The following RERE variants were observed in gnomAD, a reference collection of about 807,000 sequenced individuals.
RERE encodes arginine-glutamic acid dipeptide repeats protein.
Under a neutral mutation model 146.1 loss-of-function variants are expected in RERE, and 40 were observed. That is an observed-to-expected ratio of 0.27 (90% CI 0.21 to 0.36). RERE has a LOEUF of 0.36. Ranked by LOEUF, RERE falls within the 10% of genes least tolerant of loss-of-function variation. RERE has a pLI of 1.00. For missense variants in RERE, 1,933 were observed against 2,138.7 expected, an observed-to-expected ratio of 0.90 and a Z score of 1.90; for synonymous variants, 1,003 against 866.0, an observed-to-expected ratio of 1.16 and a Z score of -2.78.
chr1:8,752,381 T>G lies in RERE; in HGVS notation c.-145+64779A>C, dbSNP rs559603808. ...AAAAAAAGAAAAAAAATACTCCCAG[T>G]ATCATCTAGTAGTTATAAGAGATAC... On this transcript the variant is annotated intron_variant, in intron 1 of 22. Transcript: ENST00000400908. Among the ~76,000 whole-genome samples the G allele has an allele frequency of 2.1e-4, 32 of 152,256 alleles. 1 individual carries two copies. The South Asian group carries it at 6.4e-3, about 31-fold the overall frequency.
intron 2 of RERE, among the ~76,000 whole-genome samples, chr1:8,628,962 C>T (rs545070798): frequency 6.6e-6 from 1 of 152,282 alleles, no homozygotes; most frequent in Non-Finnish European, 1.5e-5. Flanking sequence ...AGAAAGCTAG[C>T]AGTTCTGAAA....
At chr1:8,657,323 GA>G (rs1638345412) in intron 1 of RERE, among the ~76,000 whole-genome samples, 2 of 50,152 alleles carry the variant, frequency 4.0e-5, no homozygotes, top group African/African-American at 1.2e-4. Flanking sequence ...AAAAAAAAAA[GA>G]AGAAGAAAAG....
chr1:8,705,973 G>A lies in RERE; in HGVS notation c.-144-49532C>T, dbSNP rs376625611. Among the ~76,000 whole-genome samples, 125 of 151,926 alleles carry A rather than the reference G, an allele frequency of 8.2e-4. 3 individuals carry two copies. Among genetic ancestry groups the A allele is most frequent in the East Asian group, 1.9e-3 (10 of 5,180 alleles). Reference sequence around the variant, plus strand: ...TTACTAAAAATACAAAAAATTAGCCGGGCGTGGTGGCGGCCACCTGTAGTC... The same window carrying A: ...TTACTAAAAATACAAAAAATTAGCCAGGCGTGGTGGCGGCCACCTGTAGTC... On this transcript the variant is annotated intron_variant, in intron 1 of 22. Transcript: ENST00000400908.
chr1:8,555,612 A>C (rs986917325), intron 6 of RERE, among the ~76,000 whole-genome samples: 11 of 151,558 alleles, frequency 7.3e-5, no homozygotes, highest in African/African-American at 2.7e-4. Context: ...AGTACTTAAC[A>C]AAAAAAAAGT....
intron 2 of RERE, among the ~76,000 whole-genome samples, chr1:8,625,124 TTTTGTTTG>T (rs371343162): frequency 7.2e-5 from 11 of 152,196 alleles, no homozygotes; most frequent in Admixed American, 4.6e-4. Flanking sequence ...AAAGCGTTGC[TTTTGTTTG>T]TTTGTTTGTT....
intron 8 of RERE, among the ~76,000 whole-genome samples, chr1:8,507,193 A>G (rs1006640014): frequency 6.6e-6 from 1 of 152,214 alleles, no homozygotes; most frequent in Non-Finnish European, 1.5e-5. Context: ...GGACTGCTTC[A>G]GCCCAGGAGG....
intron 1 of RERE, among the ~76,000 whole-genome samples, chr1:8,690,110 G>A (rs1639178476): frequency 6.6e-6 from 1 of 152,154 alleles, no homozygotes; most frequent in Non-Finnish European, 1.5e-5. Flanking sequence ...CACAGACTGG[G>A]TGGCTTAAAC....
chr1:8,422,540 C>T (rs1004936167), intron 12 of RERE, among the ~76,000 whole-genome samples, 187 bp downstream of exon 12: 2 of 152,148 alleles, frequency 1.3e-5, no homozygotes, highest in African/African-American at 4.8e-5. Context: ...TAATCTGTCA[C>T]TTTACTATCT....
chr1:8,419,369 CAA>C (rs1005207176), intron 12 of RERE, among the ~76,000 whole-genome samples: 9 of 152,120 alleles, frequency 5.9e-5, no homozygotes, highest in African/African-American at 2.2e-4. Context: ...CACCAGAAAC[CAA>C]AAGAGCTAGG....
chr1:8,750,150 CA>C (rs3045405), intron 1 of RERE, among the ~76,000 whole-genome samples: 31 of 96,550 alleles, frequency 3.2e-4, no homozygotes, highest in African/African-American at 8.6e-4. Flanking sequence ...GCCTCTGTCT[CA>C]AAAAAAAAAA....
rs575942366 is a variant in RERE at position 8,680,329 on chromosome 1, G to A, written c.-144-23888C>T. On this transcript the variant is annotated intron_variant, in intron 1 of 22. Transcript: ENST00000400908. ...GTACCAATGATCTCTGAGGGGAAAG[G>A]TCAGCCATCTGCCATGAGAAGAGGC... Among the ~76,000 whole-genome samples, 13 of 152,302 alleles carry A rather than the reference G, an allele frequency of 8.5e-5. No individual in the cohort carries two copies. The South Asian group carries it at 2.7e-3, about 32-fold the overall frequency.
chr1:8,586,123 T>C (rs1367383501), intron 4 of RERE, among the ~76,000 whole-genome samples: 1 of 152,206 alleles, frequency 6.6e-6, no homozygotes, highest in Non-Finnish European at 1.5e-5. Context: ...CAGTAGATTA[T>C]CTAGGTCAAA....
At chr1:8,676,023 A>C (rs1638833569) in intron 1 of RERE, among the ~76,000 whole-genome samples, 1 of 152,194 alleles carries the variant, frequency 6.6e-6, no homozygotes, top group Non-Finnish European at 1.5e-5. Context: ...TGGACTCTTA[A>C]GGTTTACACT....
intron 1 of RERE, among the ~76,000 whole-genome samples, chr1:8,708,966 G>A (rs1639613962): frequency 7.6e-6 from 1 of 132,148 alleles, no homozygotes; most frequent in Non-Finnish European, 1.5e-5. Context: ...AGGTTGGAGT[G>A]CAGTGGTGCA....
At chr1:8,419,035 G>A (rs1643852690) in intron 12 of RERE, among the ~76,000 whole-genome samples, 1 of 152,098 alleles carries the variant, frequency 6.6e-6, no homozygotes, top group Non-Finnish European at 1.5e-5. Context: ...ATACAGCCAA[G>A]GTGAATCTAA....
intron 1 of RERE, among the ~76,000 whole-genome samples, chr1:8,729,021 T>C (rs1335613035): frequency 1.3e-5 from 2 of 151,692 alleles, no homozygotes; most frequent in Non-Finnish European, 2.9e-5. Context: ...CAAAATTAGC[T>C]GGGCATGGTG....
intron 1 of RERE, among the ~76,000 whole-genome samples, chr1:8,671,139 C>G (rs1638706979): frequency 6.6e-6 from 1 of 152,098 alleles, no homozygotes; most frequent in Non-Finnish European, 1.5e-5. Context: ...TCTAGGAGTC[C>G]TCAGTGCACA....
chr1:8,797,992 C>T (rs1209857958), intron 1 of RERE, among the ~76,000 whole-genome samples: 1 of 152,182 alleles, frequency 6.6e-6, no homozygotes, highest in Non-Finnish European at 1.5e-5. Context: ...GGCGCAGTGG[C>T]TCATTCCTGT....
intron 12 of RERE, among the ~76,000 whole-genome samples, chr1:8,394,525 G>C (rs909348588): frequency 4.6e-5 from 7 of 152,220 alleles, no homozygotes; most frequent in Non-Finnish European, 1.0e-4. Context: ...TCCAAGGACA[G>C]CGGGAGTGGA....
Sources: gnomAD v4.1 joint callset for allele counts (sites outside exome capture counted in the v4.1 genomes callset) on GRCh38, gnomAD v4.1.1 for gene constraint, MANE v1.5 for transcripts, NCBI Gene and HGNC (gene_info 2026-07-23, HGNC 2026-07-21) for gene names.